Variants in IPCEF1 observed in about 807,000 individuals in gnomAD.
The protein encoded by IPCEF1 is interactor protein for cytohesin exchange factors 1.
In IPCEF1, 31 loss-of-function variants were observed where a neutral mutation model predicts 50.9. The ratio of observed to expected loss-of-function variants is 0.61; its 90% CI spans 0.46 to 0.82. IPCEF1 has a LOEUF of 0.82. Among genes scored for constraint, IPCEF1 ranks in the 40% least tolerant of loss-of-function variants. The pLI is 0.00. For missense variants in IPCEF1, 458 were observed against 514.0 expected, an observed-to-expected ratio of 0.89 and a Z score of 1.05; for synonymous variants, 181 against 192.0, an observed-to-expected ratio of 0.94 and a Z score of 0.47.
chr6:154,174,675 G>A (rs1011390181), intron 10 of IPCEF1, among the ~76,000 whole-genome samples: 4 of 152,152 alleles, frequency 2.6e-5, no homozygotes, highest in African/African-American at 9.7e-5. Flanking sequence ...CATAAAGCAA[G>A]TCCTTAGAGA....
At chr6:154,256,621 C>G (rs1315504316) in intron 3 of IPCEF1, among the ~76,000 whole-genome samples, 1 of 151,984 alleles carries the variant, frequency 6.6e-6, no homozygotes, top group African/African-American at 2.4e-5. Flanking sequence ...CTTTCTCTCT[C>G]TCTCTTCCCA....
chr6:154,248,306 CGTGT>C (rs58415100), intron 3 of IPCEF1, among the ~76,000 whole-genome samples: 2,135 of 147,314 alleles, frequency 0.014, 17 homozygotes, highest in African/African-American at 0.028. Context: ...CTTTAAAATA[CGTGT>C]GTGTGTGTGT....
At chr6:154,229,344 CG>C (rs1260954809) in intron 5 of IPCEF1, among the ~76,000 whole-genome samples, 4 of 139,024 alleles carry the variant, frequency 2.9e-5, no homozygotes, top group Non-Finnish European at 6.0e-5. Flanking sequence ...AAAAGTTTGC[CG>C]GTTTTTTTTT....
chr6:154,253,424 T>C (rs1265189634), intron 3 of IPCEF1, among the ~76,000 whole-genome samples: 1 of 152,236 alleles, frequency 6.6e-6, no homozygotes, highest in Non-Finnish European at 1.5e-5. Context: ...TTCACTATTA[T>C]GTTTTTGTAA....
chr6:154,255,322 G>A (rs964931511), intron 3 of IPCEF1, among the ~76,000 whole-genome samples: 1 of 151,914 alleles, frequency 6.6e-6, no homozygotes, highest in Non-Finnish European at 1.5e-5. Context: ...AATTGAGGTG[G>A]GTATAAAAGT....
At chr6:154,263,929 T>C (rs1270006566) in intron 3 of IPCEF1, among the ~76,000 whole-genome samples, 1 of 126,652 alleles carries the variant, frequency 7.9e-6, no homozygotes, top group Non-Finnish European at 1.7e-5. Context: ...GAGGGACTCC[T>C]CACTTCCCAG....
intron 7 of IPCEF1, chr6:154,217,182 C>A: frequency 6.1e-6 from 1 of 164,710 alleles, no homozygotes; most frequent in East Asian, 1.6e-4. Context: ...GGCTGGTGGC[C>A]CAACAAGAAT....
intron 1 of IPCEF1, among the ~76,000 whole-genome samples, chr6:154,316,993 C>T (rs181964040): frequency 5.9e-5 from 9 of 152,192 alleles, no homozygotes; most frequent in Admixed American, 3.9e-4. Context: ...CTAAACTTGA[C>T]AGCTGAAACT....
At chr6:154,331,387 GAAAGAAAGAAAGAAAGAAAGAGAGAGAA>G (rs1562292485) in intron 1 of IPCEF1, among the ~76,000 whole-genome samples, 2 of 128,286 alleles carry the variant, frequency 1.6e-5, no homozygotes, top group African/African-American at 5.7e-5. Flanking sequence ...AAGAAAGAAA[GAAAGAAAGAAAGAAAGAAAGAGAGAGAA>G]AAAGAAAGAG....
chr6:154,349,491 T>C (rs918802739), intron 1 of IPCEF1, among the ~76,000 whole-genome samples: 10 of 151,958 alleles, frequency 6.6e-5, no homozygotes, highest in African/African-American at 2.2e-4. Flanking sequence ...CCTCCCAAAG[T>C]GCTGGGTCAA....
chr6:154,312,621 C>T (rs1783108189), intron 1 of IPCEF1, among the ~76,000 whole-genome samples: 1 of 152,122 alleles, frequency 6.6e-6, no homozygotes, highest in Non-Finnish European at 1.5e-5. Context: ...GCTGGGATTA[C>T]AGGTGTGAGC....
intron 1 of IPCEF1, among the ~76,000 whole-genome samples, chr6:154,339,142 C>T (rs1326523053): frequency 1.3e-5 from 2 of 152,070 alleles, no homozygotes; most frequent in Non-Finnish European, 2.9e-5. Context: ...TTCAGGGCAA[C>T]TTGAATCTGT....
intron 5 of IPCEF1, 146 bp downstream of exon 5, chr6:154,246,445 C>T (rs2128642676): frequency 1.1e-6 from 1 of 904,436 alleles, no homozygotes; most frequent in Non-Finnish European, 1.6e-6. Context: ...TCTACTGCAC[C>T]AGAAATGGCT....
intron 1 of IPCEF1, among the ~76,000 whole-genome samples, chr6:154,313,085 A>AAAAAAC (rs1783124947): frequency 6.7e-6 from 1 of 150,326 alleles, no homozygotes; most frequent in Non-Finnish European, 1.5e-5. Context: ...AAAAAAAAAA[A>AAAAAAC]ACATGGCCGG....
At chr6:154,293,498 A>G (rs186176926) in intron 1 of IPCEF1, among the ~76,000 whole-genome samples, 2 of 152,350 alleles carry the variant, frequency 1.3e-5, no homozygotes, top group Admixed American at 1.3e-4. Context: ...TTTCTCTAAC[A>G]TTCAGTGATC....
intron 2 of IPCEF1, among the ~76,000 whole-genome samples, chr6:154,275,604 A>T (rs1782035671): frequency 6.6e-6 from 1 of 152,224 alleles, no homozygotes; most frequent in African/African-American, 2.4e-5. Context: ...TCTGCAGAAG[A>T]TGAAATGTTT....
intron 1 of IPCEF1, among the ~76,000 whole-genome samples, chr6:154,341,617 G>GCTTCCTCCTTTTTCATCTTT (rs2128698076): frequency 6.6e-6 from 1 of 152,280 alleles, no homozygotes; most frequent in South Asian, 2.1e-4. Flanking sequence ...AATTTCCCAA[G>GCTTCCTCCTTTTTCATCTTT]CTTCCTCCTT....
chr6:154,289,705 T>C lies in IPCEF1; in HGVS notation c.-18+8A>G, dbSNP rs1364119564. Reference sequence around the variant, plus strand: ...AGAATTCGTTGCAAAGAATTTTCAATTACATACCAAAAAGTTATGAATTTT... The same window carrying C: ...AGAATTCGTTGCAAAGAATTTTCAACTACATACCAAAAAGTTATGAATTTT... On this transcript the variant is annotated splice_region_variant and intron_variant, in intron 2 of 11. Coordinates refer to ENST00000367220, the MANE Select transcript of IPCEF1 (RefSeq NM_001130700.2). The C allele has an allele frequency of 6.7e-6, 1 of 150,074 alleles. No individual in the cohort carries two copies. The highest frequency in any genetic ancestry group is 1.5e-5 in the Non-Finnish European group (1 of 67,818). The allele number at this position is 150,074 out of a possible 1,614,324, so 9.3% of individuals were successfully genotyped here. A position where few individuals can be genotyped will look rare whatever the true frequency, so the allele number is the denominator to read the frequency against.
chr6:154,230,497 G>A (rs1779633874), intron 5 of IPCEF1, among the ~76,000 whole-genome samples: 1 of 152,164 alleles, frequency 6.6e-6, no homozygotes, highest in African/African-American at 2.4e-5. Flanking sequence ...CGTACCACAA[G>A]TATTTTGGAA....
Sources: gnomAD v4.1 joint callset for allele counts (sites outside exome capture counted in the v4.1 genomes callset) on GRCh38, gnomAD v4.1.1 for gene constraint, MANE v1.5 for transcripts, NCBI Gene and HGNC (gene_info 2026-07-23, HGNC 2026-07-21) for gene names.